The following LONP1 variants were observed in gnomAD, a reference collection of about 807,000 sequenced individuals.
LONP1 encodes lon peptidase 1, mitochondrial.
A neutral mutation model predicts 98.5 loss-of-function variants in LONP1; 31 were observed. The ratio of observed to expected loss-of-function variants is 0.31; its 90% CI spans 0.24 to 0.42. The LOEUF is 0.42. Among genes scored for constraint, LONP1 ranks in the 20% least tolerant of loss-of-function variants. LONP1 has a pLI of 1.00. For missense variants in LONP1, 1,336 were observed against 1,350.6 expected (o/e 0.99, Z 0.17); for synonymous variants, 781 against 594.7 (o/e 1.31, Z -4.56).
chr19:5,716,016 G>C (rs944267711), intron 1 of LONP1, among the ~76,000 whole-genome samples: 2 of 151,678 alleles, frequency 1.3e-5, no homozygotes, highest in African/African-American at 4.8e-5. Context: ...GAAGGCGCAA[G>C]GAGCTCACCT....
Position 5,694,766 on chromosome 19 carries a change from C to T in LONP1, c.2149G>A (p.Glu717Lys). 1 of 1,589,132 alleles carries T rather than the reference C, an allele frequency of 6.3e-7. No individual in the cohort carries two copies. Among genetic ancestry groups the T allele is most frequent in the Non-Finnish European group, 8.6e-7 (1 of 1,160,356 alleles). The stretch of plus-strand genomic sequence containing the variant: ...AGGGCGGGCTGGCCGCTCACCTTCT[C>T]CACTTGCTTCTGCAGGTTGCGGACA... The part of the protein sequence containing the change: ...SGVRNLQKQV[E>K]KVLRKSAYKI... The change falls in exon 14 of 18, where the codon GAG (glutamate) becomes AAG (lysine). Residue 717 changes from glutamate (E) to lysine (K), a missense_variant. Around this residue, in one of 5 missense-constraint regions of LONP1, gnomAD observed 555 missense variants for 542.6 expected, o/e 1.02. Transcript: ENST00000360614.
Position 5,691,976 on chromosome 19 carries a change from T to TCAGTACTGGCCCAGACAGGGCCTGACATC in LONP1, c.*55_*56insGATGTCAGGCCCTGTCTGGGCCAGTACTG. The stretch of plus-strand genomic sequence containing the variant: ...GGTCCGGGCGCGCTCCCCACAGCGC[T>TCAGTACTGGCCCAGACAGGGCCTGACATC]CAGTTCTGGCCCAGACAGGGCCTGA... On this transcript the variant is annotated 3_prime_UTR_variant, in exon 18 of 18. Coordinates refer to ENST00000360614, the MANE Select transcript of LONP1 (RefSeq NM_004793.4). 6.5e-7 allele frequency: 1 copy of TCAGTACTGGCCCAGACAGGGCCTGACATC among 1,536,484 alleles called. No homozygotes were observed. Among genetic ancestry groups the TCAGTACTGGCCCAGACAGGGCCTGACATC allele is most frequent in the Admixed American group, 1.9e-5 (1 of 52,598 alleles).
chr19:5,709,880 C>G, intron 4 of LONP1, among the ~76,000 whole-genome samples: 1 of 137,660 alleles, frequency 7.3e-6, no homozygotes, highest in Non-Finnish European at 1.5e-5. Context: ...CCACTGCACT[C>G]CAGCCTGGGC....
chr19:5,697,614 A>C (rs2054962352), intron 10 of LONP1, among the ~76,000 whole-genome samples: 1 of 144,058 alleles, frequency 6.9e-6, no homozygotes, highest in South Asian at 2.3e-4. Context: ...GGGGTGGGGC[A>C]GGTCATGCGG....
chr19:5,695,367 T>C (rs1340546493), intron 13 of LONP1, among the ~76,000 whole-genome samples: 1 of 151,986 alleles, frequency 6.6e-6, no homozygotes, highest in Admixed American at 6.5e-5. Flanking sequence ...GACAGAGCCA[T>C]GCAAGCCACT....
At chr19:5,703,400 T>C (rs2055092075) in intron 8 of LONP1, among the ~76,000 whole-genome samples, 1 of 151,850 alleles carries the variant, frequency 6.6e-6, no homozygotes, top group Non-Finnish European at 1.5e-5. Flanking sequence ...CCAGGTCCCC[T>C]GCCGGGAGAG....
chr19:5,711,622 A>G, intron 4 of LONP1, 149 bp downstream of exon 4: 2 of 641,276 alleles, frequency 3.1e-6, no homozygotes, highest in Non-Finnish European at 5.4e-6. Flanking sequence ...AGCACCCTCT[A>G]TGTTCCATTA....
intron 14 of LONP1, 86 bp from the exon 15 acceptor site, chr19:5,694,638 CGGGCGCGGGGTGGTGGGGTGAT>C (rs781445963): frequency 5.3e-6 from 8 of 1,523,342 alleles, no homozygotes; most frequent in African/African-American, 1.4e-5. Flanking sequence ...AAAGGTGTGA[CGGGCGCGGGGTGGTGGGGTGAT>C]GGGCGCAGGA....
intron 10 of LONP1, 43 bp downstream of exon 10, chr19:5,698,984 A>G: frequency 1.3e-6 from 2 of 1,545,066 alleles, no homozygotes; most frequent in East Asian, 2.4e-5. Context: ...CCGGCAGCAC[A>G]GCTGAGGGGA....
At chr19:5,693,938 C>T (rs1022233959) in intron 15 of LONP1, among the ~76,000 whole-genome samples, 169 bp from the exon 16 acceptor site, 8 of 152,160 alleles carry the variant, frequency 5.3e-5, no homozygotes, top group African/African-American at 1.7e-4. Flanking sequence ...ACGTTTGCTG[C>T]GTTGCGGGTT....
At chr19:5,696,865 G>T in intron 10 of LONP1, 108 bp from the exon 11 acceptor site, 1 of 703,844 alleles carries the variant, frequency 1.4e-6, no homozygotes, top group Non-Finnish European at 2.4e-6. Flanking sequence ...AGCCCCACAA[G>T]ATGTGGCCAT....
At chr19:5,713,299 C>T (rs1264724714) in intron 2 of LONP1, 46 bp from the exon 3 acceptor site, 5 of 1,602,392 alleles carry the variant, frequency 3.1e-6, no homozygotes, top group Non-Finnish European at 4.3e-6. Flanking sequence ...GGCTTTCATG[C>T]TAGGCAGGAT....
chr19:5,693,669 C>T lies in LONP1; in HGVS notation c.2421G>A (p.Gly807=). The T allele has an allele frequency of 6.2e-7, 1 of 1,614,094 alleles. No individual in the cohort carries two copies. The highest frequency in any genetic ancestry group is 8.5e-7 in the Non-Finnish European group (1 of 1,179,998). The stretch of plus-strand genomic sequence containing the variant: ...TGCGGGCGCTCTCCTTCATCACCTC[C>T]CCCAGCTGGCCTGTCACCTCCAGGC... ...DGSLEVTGQL[G]EVMKESARIA... Residue 807 remains glycine (G), a synonymous_variant, in exon 16 of 18, where the codon GGG becomes GGA. Coordinates refer to ENST00000360614, the MANE Select transcript of LONP1 (RefSeq NM_004793.4).
intron 10 of LONP1, among the ~76,000 whole-genome samples, chr19:5,698,628 G>A (rs2145591312): frequency 6.6e-6 from 1 of 152,334 alleles, no homozygotes; most frequent in Non-Finnish European, 1.5e-5. Flanking sequence ...ACAGGCTTCG[G>A]GGTGGGGGGT....
At chr19:5,706,379 C>T (rs570955423) in intron 7 of LONP1, among the ~76,000 whole-genome samples, 10 of 152,222 alleles carry the variant, frequency 6.6e-5, no homozygotes, top group African/African-American at 1.2e-4. Context: ...GAGGCTGAAG[C>T]GGGCGGATCA....
intron 5 of LONP1, chr19:5,708,033 A>T (rs2055176004): frequency 1.6e-6 from 1 of 631,670 alleles, no homozygotes; most frequent in Non-Finnish European, 2.7e-6. Flanking sequence ...CAGCATCCTC[A>T]CGTGCAGCCA....
At chr19:5,699,725 T>C (rs1258755946) in intron 9 of LONP1, among the ~76,000 whole-genome samples, 1 of 151,550 alleles carries the variant, frequency 6.6e-6, no homozygotes, top group African/African-American at 2.4e-5. Context: ...GCCTGGCTAC[T>C]TTTTTTGTAT....
intron 4 of LONP1, among the ~76,000 whole-genome samples, chr19:5,709,810 G>A (rs1041516623): frequency 6.7e-6 from 1 of 150,358 alleles, no homozygotes; most frequent in Admixed American, 6.6e-5. Context: ...TACTGGGGAG[G>A]CTGAGGCAGG....
At position 5,705,752 on chromosome 19, in the gene LONP1, G is replaced by T; in HGVS notation, c.1367+20C>A. 1 of 1,611,072 alleles carries T rather than the reference G, an allele frequency of 6.2e-7. No individual in the cohort carries two copies. Reference sequence around the variant, plus strand: ...GGAGGGGTCACCTGAGGGCTGGGCCGCCCCGGGCCTGGCACTCACTTGAAC... The same window carrying T: ...GGAGGGGTCACCTGAGGGCTGGGCCTCCCCGGGCCTGGCACTCACTTGAAC... On this transcript the variant is annotated intron_variant, in intron 8 of 17. Coordinates refer to ENST00000360614, the MANE Select transcript of LONP1 (RefSeq NM_004793.4).
Sources: allele counts gnomAD v4.1 joint callset (sites outside exome capture counted in the v4.1 genomes callset), GRCh38; gene constraint gnomAD v4.1.1; regional missense constraint gnomAD v4.1.1; transcripts MANE v1.5; gene names NCBI Gene and HGNC (gene_info 2026-07-23, HGNC 2026-07-21).